Variants in IL2RB observed in about 807,000 individuals in gnomAD.
IL2RB encodes interleukin 2 receptor subunit beta.
Under a neutral mutation model 44.2 loss-of-function variants are expected in IL2RB, and 17 were observed. The observed-to-expected ratio is 0.38, with a 90% CI of 0.26 to 0.58. The LOEUF is 0.58. IL2RB is among the 20% of genes least tolerant of loss of function. The probability of loss-of-function intolerance (pLI) is 0.63; values close to 1 mark genes in which losing one functional copy is unlikely to be tolerated. For synonymous variants in IL2RB, 286 were observed against 297.9 expected (o/e 0.96, Z 0.41); for missense variants, 624 against 685.5 (o/e 0.91, Z 1.00).
rs1921978788 is a variant in IL2RB, at chr22:37,141,805, G to A, written c.282+629C>T. Reference sequence around the variant, plus strand: ...GCCACGGGGGTGCAGGGGACAGCTTGGCACTGGCCTGCAGGTGCCCCTTGG... The same window carrying A: ...GCCACGGGGGTGCAGGGGACAGCTTAGCACTGGCCTGCAGGTGCCCCTTGG... On this transcript the variant is annotated intron_variant, in intron 4 of 9. Coordinates refer to ENST00000216223, the MANE Select transcript of IL2RB (RefSeq NM_000878.5). The surrounding 1 kb of genome is among the most constrained non-coding windows in gnomAD (Gnocchi z 4.4). 6.6e-6 allele frequency among the ~76,000 whole-genome samples: 1 copy of A among 152,212 alleles called. No individual in the cohort carries two copies. Among genetic ancestry groups the A allele is most frequent in the Admixed American group, 6.5e-5 (1 of 15,288 alleles).
At chr22:37,160,101 A>G (rs1195011340) in intron 1 of IL2RB, among the ~76,000 whole-genome samples, 2 of 152,252 alleles carry the variant, frequency 1.3e-5, no homozygotes, top group African/African-American at 2.4e-5. Flanking sequence ...TGACCTCCCA[A>G]CATCAAAGAC....
chr22:37,172,743 AT>A (rs1161317017), intron 1 of IL2RB, among the ~76,000 whole-genome samples: 1 of 152,138 alleles, frequency 6.6e-6, no homozygotes, highest in Non-Finnish European at 1.5e-5. Context: ...ACCATGACCC[AT>A]TTCAAGCTAG....
chr22:37,128,678 G>A lies in IL2RB; in HGVS notation c.1074C>T (p.Cys358=). 6.2e-7 allele frequency: 1 copy of A among 1,614,196 alleles called. No homozygotes were observed. The highest frequency in any genetic ancestry group is 8.5e-7 in the Non-Finnish European group (1 of 1,179,986). Residue 358 remains cysteine (C), a synonymous_variant, in exon 10 of 10, where the codon TGC becomes TGT. Transcript: ENST00000216223. This position sits in a 1 kb window ranked among gnomAD's most constrained non-coding sequence, Gnocchi z 4.5. ...AGAAGAAGTAACCCTGGTTGGTGAAGCAGCTGGTCAGCGAGTGGTTGCTGC... is the reference window on the plus strand; with the variant it reads ...AGAAGAAGTAACCCTGGTTGGTGAAACAGCTGGTCAGCGAGTGGTTGCTGC... ...SLSSNHSLTS[C]FTNQGYFFFH...
intron 2 of IL2RB, 112 bp from the exon 3 acceptor site, chr22:37,143,747 A>C: frequency 1.3e-6 from 1 of 777,128 alleles, no homozygotes; most frequent in Non-Finnish European, 2.2e-6. Flanking sequence ...GGAGGTGGGT[A>C]ACTCTGGCAA....
chr22:37,136,209 C>T lies in IL2RB; in HGVS notation c.703+19G>A, dbSNP rs1489376478. The T allele has an allele frequency of 6.3e-7, 1 of 1,599,964 alleles. No individual in the cohort carries two copies. Among genetic ancestry groups the T allele is most frequent in the African/African-American group, 1.3e-5 (1 of 74,598 alleles). On this transcript the variant is annotated intron_variant, in intron 7 of 9. Coordinates refer to ENST00000216223, the MANE Select transcript of IL2RB (RefSeq NM_000878.5). ...CCCTCCTGCCTGAGCCCCCTCTCAC[C>T]CTTGCCGCCCACCAGTACCTGCAGG...
intron 1 of IL2RB, among the ~76,000 whole-genome samples, chr22:37,161,481 G>A (rs1922871336): frequency 6.6e-6 from 1 of 152,136 alleles, no homozygotes; most frequent in African/African-American, 2.4e-5. Context: ...TGGGACATAG[G>A]CATGTGACCA....
Position 37,143,653 on chromosome 22 carries a change from G to A in IL2RB, c.89-18C>T. The A allele has an allele frequency of 3.8e-6, 6 of 1,574,120 alleles. No homozygotes were observed. Among genetic ancestry groups the A allele is most frequent in the Non-Finnish European group, 4.4e-6 (5 of 1,143,788 alleles). ...GGAAGTGCCTGCCGGGCAAGATGAG[G>A]TGTGAGTGCTGACTGTAGGTGCCCA... On this transcript the variant is annotated intron_variant, in intron 2 of 9. Coordinates refer to ENST00000216223, the MANE Select transcript of IL2RB (RefSeq NM_000878.5).
In IL2RB at chr22:37,127,748, G is replaced by C. The variant is rs1346149119; in HGVS notation, c.*348C>G. 1.7e-5 allele frequency: 3 copies of C among 181,472 alleles called. No homozygotes were observed. The highest frequency in any genetic ancestry group is 7.0e-5 in the African/African-American group (3 of 42,690). The allele number at this position is 181,472 out of a possible 1,614,324, so 11.2% of individuals were successfully genotyped here. A position where few individuals can be genotyped will look rare whatever the true frequency, so the allele number is the denominator to read the frequency against. On this transcript the variant is annotated 3_prime_UTR_variant, in exon 10 of 10. Transcript: ENST00000216223. The stretch of plus-strand genomic sequence containing the variant: ...GGAAGAGGTCAGGGCAGGGAGCCCT[G>C]GAGAGCCGCGAGGACTGATATTGGT...
chr22:37,164,104 C>T lies in IL2RB; in HGVS notation c.-34+10854G>A, dbSNP rs558269073. 5.8e-4 allele frequency among the ~76,000 whole-genome samples: 89 copies of T among 152,312 alleles called. 1 individual carries two copies. Among genetic ancestry groups the T allele is most frequent in the African/African-American group, 2.0e-3 (85 of 41,556 alleles). The stretch of plus-strand genomic sequence containing the variant: ...ACACGTGAGGGTGCGTGAGGAGAGG[C>T]GGCCTGCAGAGCAGAGCGGAAAGCA... On this transcript the variant is annotated intron_variant, in intron 1 of 5. Coordinates refer to the IL2RB transcript ENST00000429622.
intron 9 of IL2RB, among the ~76,000 whole-genome samples, chr22:37,130,901 G>T (rs914273011): frequency 1.1e-4 from 16 of 152,128 alleles, no homozygotes; most frequent in African/African-American, 3.9e-4. Flanking sequence ...GCACGGTGGC[G>T]CACGCCTGTA....
At chr22:37,149,750 A>C in intron 1 of IL2RB, 75 bp downstream of exon 1, 1 of 694,144 alleles carries the variant, frequency 1.4e-6, no homozygotes, top group Non-Finnish European at 1.8e-6. Flanking sequence ...CAGAGCTGAA[A>C]GTCTTCTCTG....
intron 1 of IL2RB, among the ~76,000 whole-genome samples, chr22:37,164,955 T>C (rs1216778678): frequency 6.6e-6 from 1 of 151,888 alleles, no homozygotes; most frequent in African/African-American, 2.4e-5. Context: ...GAAATGCAGA[T>C]GCTCAGGCCC....
chr22:37,171,887 G>A (rs1239888540), intron 1 of IL2RB, among the ~76,000 whole-genome samples: 1 of 152,126 alleles, frequency 6.6e-6, no homozygotes, highest in Non-Finnish European at 1.5e-5. Flanking sequence ...GGGCAGAGTT[G>A]GTTGCTCCTC....
chr22:37,139,482 C>A (rs1226592462), intron 4 of IL2RB, among the ~76,000 whole-genome samples: 2 of 152,172 alleles, frequency 1.3e-5, no homozygotes, highest in Non-Finnish European at 2.9e-5. Context: ...AATATTAGGG[C>A]CATGTTCCAG....
intron 1 of IL2RB, among the ~76,000 whole-genome samples, chr22:37,174,456 T>C (rs992074241): frequency 1.3e-5 from 2 of 152,172 alleles, no homozygotes; most frequent in African/African-American, 2.4e-5. Flanking sequence ...CATTTGATAT[T>C]GGAGGACCAA....
chr22:37,136,446 A>G (rs1055612338), intron 6 of IL2RB, 53 bp from the exon 7 acceptor site: 2 of 1,540,654 alleles, frequency 1.3e-6, no homozygotes, highest in African/African-American at 1.4e-5. Context: ...TGGCAGGGCC[A>G]GGAGGCTGAG....
chr22:37,137,531 T>A, intron 6 of IL2RB, 56 bp downstream of exon 6: 1 of 1,584,304 alleles, frequency 6.3e-7, no homozygotes, highest in East Asian at 2.2e-5. Context: ...GGACAGGACA[T>A]GGACCAGGAC....
At position 37,139,230 on chromosome 22, in the gene IL2RB, G is replaced by A. The variant is rs201817311; in HGVS notation, c.283-8C>T. 9.9e-5 allele frequency: 158 copies of A among 1,597,150 alleles called. No individual in the cohort carries two copies. The Middle Eastern group carries it at 1.7e-3, about 17-fold the overall frequency. ...TGTGGTCAGTTTCTGAGACTGCAAG[G>A]GAAGGAGGGCAGGGGTGAAACTTCT... On this transcript the variant is annotated splice_region_variant and splice_polypyrimidine_tract_variant and intron_variant, in intron 4 of 9. Transcript: ENST00000216223.
intron 9 of IL2RB, among the ~76,000 whole-genome samples, chr22:37,130,616 C>A (rs1921378136): frequency 6.6e-6 from 1 of 152,212 alleles, no homozygotes; most frequent in South Asian, 2.1e-4. Flanking sequence ...GGATACCATA[C>A]CCTCATGGGA....
Sources: allele counts gnomAD v4.1 joint callset (sites outside exome capture counted in the v4.1 genomes callset), GRCh38; gene constraint gnomAD v4.1.1; non-coding constraint Gnocchi (gnomAD v3.1); transcripts MANE v1.5; gene names NCBI Gene and HGNC (gene_info 2026-07-23, HGNC 2026-07-21).